PTPRK: variants seen among roughly 807,000 people sequenced by gnomAD.
PTPRK encodes the protein receptor-type tyrosine-protein phosphatase kappa.
Under a neutral mutation model 178.0 loss-of-function variants are expected in PTPRK, and 75 were observed. The observed-to-expected ratio is 0.42, with a 90% CI of 0.35 to 0.51. The LOEUF is 0.51. Ranked by LOEUF, PTPRK falls within the 20% of genes least tolerant of loss-of-function variation. PTPRK has a pLI of 0.02. For synonymous variants in PTPRK, 637 were observed against 620.6 expected, an observed-to-expected ratio of 1.03 and a Z score of -0.39; for missense variants, 1,441 against 1,797.8, an observed-to-expected ratio of 0.80 and a Z score of 3.59.
At chr6:128,149,183 G>C in intron 7 of PTPRK, among the ~76,000 whole-genome samples, 1 of 106,736 alleles carries the variant, frequency 9.4e-6, no homozygotes, top group African/African-American at 3.6e-5. Flanking sequence ...GGGGGAGGGG[G>C]GAGGGATAGC....
intron 1 of PTPRK, among the ~76,000 whole-genome samples, chr6:128,482,769 G>A (rs573544537): frequency 6.6e-6 from 1 of 152,288 alleles, no homozygotes; most frequent in African/African-American, 2.4e-5. Context: ...CAATCAACAA[G>A]ACAGCAATTG....
intron 3 of PTPRK, among the ~76,000 whole-genome samples, chr6:128,302,391 C>CAAAA (rs534525238): frequency 0.013 from 414 of 30,870 alleles, 39 homozygotes; most frequent in Middle Eastern, 0.024. Flanking sequence ...GACTCAATTC[C>CAAAA]AAAAAAAAAA....
chr6:128,362,219 A>G (rs1834871178), intron 2 of PTPRK, among the ~76,000 whole-genome samples: 1 of 152,168 alleles, frequency 6.6e-6, no homozygotes, highest in African/African-American at 2.4e-5. Context: ...CGGGCATTTT[A>G]CACGGTGAAA....
At position 128,243,488 on chromosome 6, in the gene PTPRK, T is replaced by TAA. The variant is rs760606919; in HGVS notation, c.496-888_496-887dup. The stretch of plus-strand genomic sequence containing the variant: ...AGGGAACACAGTGAGAGCCTGTCGC[T>TAA]AAAAAAAAAAAAAAAAAAAAAAAAA... On this transcript the variant is annotated intron_variant, in intron 3 of 29. Coordinates refer to ENST00000368226, the MANE Select transcript of PTPRK (RefSeq NM_002844.4). Among the ~76,000 whole-genome samples, 198 of 59,132 alleles carry TAA rather than the reference T, an allele frequency of 3.3e-3. 2 individuals carry two copies. The highest frequency in any genetic ancestry group is 4.2e-3 in the African/African-American group (81 of 19,420). The allele number at this position is 59,132 out of a possible 152,430, so 38.8% of individuals were successfully genotyped here.
intron 3 of PTPRK, among the ~76,000 whole-genome samples, chr6:128,299,124 C>T (rs1346742977): frequency 6.6e-6 from 1 of 152,104 alleles, no homozygotes; most frequent in Admixed American, 6.5e-5. Flanking sequence ...ATCACAATTG[C>T]TTCAAAGAGA....
chr6:128,299,901 A>G (rs568382243), intron 3 of PTPRK, among the ~76,000 whole-genome samples: 1,527 of 152,256 alleles, frequency 0.01, 26 homozygotes, highest in African/African-American at 0.035. Flanking sequence ...GAGCCTCTGC[A>G]CAGCAAAAGA....
At position 128,078,805 on chromosome 6, in the gene PTPRK, C is replaced by A; in HGVS notation, c.1883+8G>T. The A allele has an allele frequency of 6.3e-7, 1 of 1,590,762 alleles. No individual in the cohort carries two copies. Among genetic ancestry groups the A allele is most frequent in the Non-Finnish European group, 8.6e-7 (1 of 1,159,684 alleles). Reference sequence around the variant, plus strand: ...TAAGGCAGAACTACTGTAGTTTTCTCCTCTTACCTGATAGGAGCACCTTTG... The same window carrying A: ...TAAGGCAGAACTACTGTAGTTTTCTACTCTTACCTGATAGGAGCACCTTTG... On this transcript the variant is annotated splice_region_variant and intron_variant, in intron 11 of 29. Coordinates refer to ENST00000368226, the MANE Select transcript of PTPRK (RefSeq NM_002844.4).
intron 1 of PTPRK, chr6:128,409,388 A>G (rs1407845556): frequency 2.1e-5 from 9 of 434,916 alleles, no homozygotes; most frequent in South Asian, 8.5e-5. Flanking sequence ...TAGACACATC[A>G]TAAGTATTTC....
chr6:128,275,027 C>T (rs767686995), intron 3 of PTPRK, among the ~76,000 whole-genome samples: 17 of 151,938 alleles, frequency 1.1e-4, no homozygotes, highest in South Asian at 2.1e-4. Flanking sequence ...TAAATCTGTG[C>T]GATTGCAATA....
At chr6:128,352,591 A>C (rs1259521196) in intron 2 of PTPRK, among the ~76,000 whole-genome samples, 2 of 151,950 alleles carry the variant, frequency 1.3e-5, no homozygotes, top group Non-Finnish European at 2.9e-5. Context: ...ATTTCCTCTA[A>C]AGTGCCACGT....
At chr6:128,323,280 C>A (rs1829085325) in intron 2 of PTPRK, among the ~76,000 whole-genome samples, 1 of 152,080 alleles carries the variant, frequency 6.6e-6, no homozygotes, top group Non-Finnish European at 1.5e-5. Flanking sequence ...TCCAGTAAGA[C>A]AACCAATTGT....
intron 13 of PTPRK, among the ~76,000 whole-genome samples, chr6:128,022,342 T>C (rs1181373687): frequency 6.6e-6 from 1 of 151,940 alleles, no homozygotes; most frequent in East Asian, 1.9e-4. Flanking sequence ...GACAGAGGGG[T>C]GCTTGTTTTG....
chr6:128,080,437 G>C (rs1301346715), intron 10 of PTPRK, among the ~76,000 whole-genome samples: 1 of 152,092 alleles, frequency 6.6e-6, no homozygotes, highest in Non-Finnish European at 1.5e-5. Flanking sequence ...GGGTAAGTCT[G>C]AAGGTAGGGA....
At chr6:128,470,645 A>C (rs1312291728) in intron 1 of PTPRK, among the ~76,000 whole-genome samples, 1 of 151,996 alleles carries the variant, frequency 6.6e-6, no homozygotes, top group Non-Finnish European at 1.5e-5. Context: ...CAAGACAAAA[A>C]AAGAAATCAA....
chr6:128,477,031 T>A (rs1200009082), intron 1 of PTPRK, among the ~76,000 whole-genome samples: 1 of 152,034 alleles, frequency 6.6e-6, no homozygotes, highest in Non-Finnish European at 1.5e-5. Flanking sequence ...ATTTCCAAAT[T>A]TTATGAAGAA....
chr6:128,030,720 C>A (rs1265913195), intron 13 of PTPRK, among the ~76,000 whole-genome samples: 1 of 152,148 alleles, frequency 6.6e-6, no homozygotes, highest in Non-Finnish European at 1.5e-5. Flanking sequence ...ACAGTTGATT[C>A]TCTGTATAAA....
At chr6:128,060,504 C>T (rs931651321) in intron 13 of PTPRK, among the ~76,000 whole-genome samples, 2 of 152,074 alleles carry the variant, frequency 1.3e-5, no homozygotes, top group African/African-American at 4.8e-5. Context: ...TCTAATATAT[C>T]AACTCATTCA....
rs1436661960 is a variant in PTPRK, at chr6:128,221,745, C to T, written c.694-2649G>A. ...CTTTTGTTAATTTTTCTCTGCTTAC[C>T]AACCTATTTCAGGATTTTTGCAGCA... On this transcript the variant is annotated intron_variant, in intron 5 of 29. Coordinates refer to ENST00000368226, the MANE Select transcript of PTPRK (RefSeq NM_002844.4). Among the ~76,000 whole-genome samples, 3 of 151,692 alleles carry T rather than the reference C, an allele frequency of 2.0e-5. No homozygotes were observed. In the South Asian group the frequency reaches 6.2e-4, roughly 32 times the overall value.
intron 7 of PTPRK, among the ~76,000 whole-genome samples, chr6:128,118,191 C>G (rs957897596): frequency 6.6e-6 from 1 of 152,270 alleles, no homozygotes; most frequent in East Asian, 1.9e-4. Flanking sequence ...GCTCTTCTAT[C>G]CATCAGAGTT....
Sources: gnomAD v4.1 joint callset for allele counts (sites outside exome capture counted in the v4.1 genomes callset) on GRCh38, gnomAD v4.1.1 for gene constraint, MANE v1.5 for transcripts, NCBI Gene and HGNC (gene_info 2026-07-23, HGNC 2026-07-21) for gene names.